The following MCF2 variants were observed in gnomAD, a reference collection of about 807,000 sequenced individuals.
The protein encoded by MCF2 is MCF.2 cell line derived transforming sequence, also known as proto-oncogene DBL.
A neutral mutation model predicts 82.5 loss-of-function variants in MCF2; 44 were observed. The observed-to-expected ratio is 0.53, with a 90% confidence interval of 0.42 to 0.69. The LOEUF (loss-of-function observed/expected upper bound fraction) is 0.69. Among genes scored for constraint, MCF2 ranks in the 30% least tolerant of loss-of-function variants. MCF2 has a pLI of 0.00. For missense variants in MCF2, 623 were observed against 663.1 expected, an observed-to-expected ratio of 0.94 and a Z score of 0.66; for synonymous variants, 217 against 224.9, an observed-to-expected ratio of 0.96 and a Z score of 0.32.
chrX:139,669,101 G>A (rs142603708), intron 1 of MCF2, among the ~76,000 whole-genome samples: 1,840 of 111,656 alleles, frequency 0.016, 40 homozygotes, highest in African/African-American at 0.056. Flanking sequence ...AAAAGATGAC[G>A]TACAGAATAA....
intron 1 of MCF2, among the ~76,000 whole-genome samples, chrX:139,663,503 C>T (rs771838152): frequency 1.8e-5 from 2 of 109,326 alleles, no homozygotes; most frequent in Non-Finnish European, 3.8e-5. Context: ...TAGATAAACA[C>T]GTGTTGCAGG....
chrX:139,671,097 T>G (rs1603305025), intron 1 of MCF2, among the ~76,000 whole-genome samples: 1 of 112,564 alleles, frequency 8.9e-6, no homozygotes, highest in East Asian at 2.8e-4. Flanking sequence ...GTCTGTTGGC[T>G]GCATAAATGT....
At chrX:139,634,106 C>T (rs1933064021) in intron 1 of MCF2, among the ~76,000 whole-genome samples, 2 of 111,344 alleles carry the variant, frequency 1.8e-5, no homozygotes, top group East Asian at 2.8e-4. Context: ...TGATGTCCTT[C>T]GGATAGCTGT....
At chrX:139,589,801 T>C in intron 20 of MCF2, 34 bp downstream of exon 24, 1 of 997,913 alleles carries the variant, frequency 1.0e-6, no homozygotes, top group Non-Finnish European at 1.4e-6. Context: ...TCAATGCAGG[T>C]TTGGGTTTCT....
chrX:139,642,451 G>T (rs1323898657), intron 1 of MCF2: 1 of 1,211,349 alleles, frequency 8.3e-7, no homozygotes, highest in East Asian at 3.0e-5. Context: ...TTCCAGGAGT[G>T]CAGACAGAGC....
At chrX:139,648,022 G>A (rs1443955428) in intron 2 of MCF2, among the ~76,000 whole-genome samples, 1 of 112,096 alleles carries the variant, frequency 8.9e-6, no homozygotes, top group Non-Finnish European at 1.9e-5. Context: ...CTGAATTTAA[G>A]TGAATAAAGA....
intron 9 of MCF2, 53 bp from the exon 13 acceptor site, chrX:139,615,105 A>AG: frequency 1.1e-6 from 1 of 933,345 alleles, no homozygotes; most frequent in Non-Finnish European, 1.5e-6. Context: ...AGGTCATTAC[A>AG]AACCCCATTA....
At chrX:139,583,440 T>A (rs193213932) in intron 24 of MCF2, among the ~76,000 whole-genome samples, 198 of 111,802 alleles carry the variant, frequency 1.8e-3, no homozygotes, top group Middle Eastern at 4.6e-3. Context: ...TGCAATCATG[T>A]CCTTTGCAGC....
In MCF2 at chrX:139,683,749, A is replaced by T. The variant is rs139818872; in HGVS notation, c.-45+24357T>A. ...GGGGAAAGGATATTCTTTTTAATAA[A>T]TGATGTTGGGAAACCTGGAGGTGCA... is the stretch of plus-strand genomic sequence containing the variant. On this transcript the variant is annotated intron_variant, in intron 1 of 27. Transcript: ENST00000414978. Among the ~76,000 whole-genome samples, 246 of 111,903 alleles carry T rather than the reference A, an allele frequency of 2.2e-3. 2 individuals carry two copies. In the Middle Eastern group the frequency reaches 0.032, roughly 15 times the overall value.
At chrX:139,670,318 CT>C (rs777630114) in intron 1 of MCF2, among the ~76,000 whole-genome samples, 3 of 111,395 alleles carry the variant, frequency 2.7e-5, no homozygotes, top group East Asian at 2.8e-4. Flanking sequence ...ACATTTAATT[CT>C]TTTTTTATTA....
At position 139,681,964 on chromosome X, in the gene MCF2, T is replaced by TA. The variant is rs747777288; in HGVS notation, c.-45+26141dup. On this transcript the variant is annotated intron_variant, in intron 1 of 27. Transcript: ENST00000414978. ...GTTTAGATATTTTACAAAGATCACATATACATAATTTAATTATAAGAATAG... is the reference window on the plus strand; with the variant it reads ...GTTTAGATATTTTACAAAGATCACATAATACATAATTTAATTATAAGAATAG... Among the ~76,000 whole-genome samples the TA allele has an allele frequency of 2.1e-4, 23 of 112,022 alleles. No individual in the cohort carries two copies. In the South Asian group the frequency reaches 3.3e-3, roughly 16 times the overall value.
At chrX:139,583,195 A>AAAGTATTTCTTTTGT (rs1377698325) in intron 24 of MCF2, among the ~76,000 whole-genome samples, 1 of 112,206 alleles carries the variant, frequency 8.9e-6, no homozygotes, top group African/African-American at 3.2e-5. Context: ...GTGATTTACA[A>AAAGTATTTCTTTTGT]AAGTATTTCT....
At position 139,665,630 on chromosome X, in the gene MCF2, C is replaced by G. The variant is rs761943335; in HGVS notation, c.-44-13842G>C. Among the ~76,000 whole-genome samples, 12 of 109,869 alleles carry G rather than the reference C, an allele frequency of 1.1e-4. No homozygotes were observed. The East Asian group carries it at 1.4e-3, about 13-fold the overall frequency. On this transcript the variant is annotated intron_variant, in intron 1 of 27. Coordinates refer to the MCF2 transcript ENST00000414978. Reference sequence around the variant, plus strand: ...CTCTTTCAGTGATATGAAGTTTCAACCTGGTATTATGAATGCTCACCTGAT... The same window carrying G: ...CTCTTTCAGTGATATGAAGTTTCAAGCTGGTATTATGAATGCTCACCTGAT...
chrX:139,636,992 T>C (rs904810379), intron 1 of MCF2, among the ~76,000 whole-genome samples: 2 of 111,788 alleles, frequency 1.8e-5, no homozygotes, highest in Non-Finnish European at 3.8e-5. Context: ...CTTCAAAATG[T>C]TTAGTAATTC....
At chrX:139,682,577 G>A (rs1239681561) in intron 1 of MCF2, among the ~76,000 whole-genome samples, 4 of 111,833 alleles carry the variant, frequency 3.6e-5, no homozygotes, top group Non-Finnish European at 5.6e-5. Flanking sequence ...TCCATTTATC[G>A]AGCCACTGCA....
At chrX:139,605,686 A>C (rs762047952) in intron 13 of MCF2, 27 bp downstream of exon 17, 2 of 1,165,209 alleles carry the variant, frequency 1.7e-6, no homozygotes, top group South Asian at 3.9e-5. Flanking sequence ...GGGAAAAGAT[A>C]GGGCAAATAC....
intron 6 of MCF2, among the ~76,000 whole-genome samples, chrX:139,621,096 G>A (rs1417741545): frequency 9.0e-6 from 1 of 111,256 alleles, no homozygotes; most frequent in Admixed American, 9.6e-5. Context: ...AATCAAAGGG[G>A]AAAGGACTCC....
rs981426843 is a variant in MCF2, at chrX:139,690,722, C to G, written c.-45+17384G>C. On this transcript the variant is annotated intron_variant, in intron 1 of 27. Coordinates refer to the MCF2 transcript ENST00000414978. ...GGTATATTTGGAACATGTGTTGTGG[C>G]TATCTGATTTGTGGGAAATTGCCAC... is the stretch of plus-strand genomic sequence containing the variant. Among the ~76,000 whole-genome samples the G allele has an allele frequency of 3.6e-5, 4 of 111,602 alleles. No homozygotes were observed. The East Asian group carries it at 1.1e-3, about 31-fold the overall frequency.
chrX:139,674,557 G>T (rs1012834907), intron 1 of MCF2, among the ~76,000 whole-genome samples: 18 of 111,688 alleles, frequency 1.6e-4, no homozygotes, highest in Non-Finnish European at 3.0e-4. Context: ...ATCTGTAAAG[G>T]ATTTTATTTC....
Sources: gnomAD v4.1 joint callset for allele counts (sites outside exome capture counted in the v4.1 genomes callset) on GRCh38, gnomAD v4.1.1 for gene constraint, MANE v1.5 for transcripts, NCBI Gene and HGNC (gene_info 2026-07-23, HGNC 2026-07-21) for gene names.